SORCS1: variants seen among roughly 807,000 people sequenced by gnomAD.
The protein encoded by SORCS1 is sortilin related VPS10 domain containing receptor 1.
A neutral mutation model predicts 146.1 loss-of-function variants in SORCS1; 60 were observed. The observed-to-expected ratio is 0.41, with a 90% CI of 0.33 to 0.51. The LOEUF is 0.51. SORCS1 is among the 20% of genes least tolerant of loss of function. The pLI is 0.21. For missense variants in SORCS1, 1,352 were observed against 1,487.6 expected (o/e 0.91, Z 1.50); for synonymous variants, 637 against 584.0 (o/e 1.09, Z -1.31).
chr10:106,821,749 G>T (rs984014871), intron 3 of SORCS1, among the ~76,000 whole-genome samples: 4 of 151,964 alleles, frequency 2.6e-5, no homozygotes, highest in Non-Finnish European at 5.9e-5. Context: ...GTGAAACCAT[G>T]TCTCTACTAA....
At chr10:106,788,591 T>C (rs10884358) in intron 3 of SORCS1, among the ~76,000 whole-genome samples, 38,729 of 152,126 alleles carry the variant, frequency 0.25, 5,189 homozygotes, top group Non-Finnish European at 0.29. Flanking sequence ...ATCATTAAAC[T>C]TTAAAGCTCC....
intron 19 of SORCS1, among the ~76,000 whole-genome samples, chr10:106,622,042 G>A (rs1459670888): frequency 1.3e-5 from 2 of 151,922 alleles, no homozygotes; most frequent in East Asian, 1.9e-4. Flanking sequence ...CTGTAATCCC[G>A]ACACTTTTGG....
intron 23 of SORCS1, among the ~76,000 whole-genome samples, chr10:106,599,042 T>G (rs1051231202): frequency 1.3e-5 from 2 of 152,220 alleles, no homozygotes; most frequent in Non-Finnish European, 2.9e-5. Context: ...TTAGGCTACT[T>G]CTTTTCTTGG....
intron 18 of SORCS1, among the ~76,000 whole-genome samples, chr10:106,639,387 C>A (rs1248422444): frequency 6.6e-6 from 1 of 152,158 alleles, no homozygotes. Flanking sequence ...CAGTAATGAG[C>A]CAGGTATCTA....
chr10:106,674,447 C>G (rs1428797404), intron 14 of SORCS1, among the ~76,000 whole-genome samples: 1 of 148,956 alleles, frequency 6.7e-6, no homozygotes, highest in African/African-American at 2.5e-5. Context: ...ACTTTATAAC[C>G]TTCCCTTTCT....
intron 5 of SORCS1, among the ~76,000 whole-genome samples, chr10:106,753,783 A>T (rs1041163929): frequency 6.6e-6 from 1 of 152,198 alleles, no homozygotes. Context: ...AGAGAACTCA[A>T]GCTCAAAAGC....
intron 1 of SORCS1, among the ~76,000 whole-genome samples, chr10:107,006,519 T>C (rs572193929): frequency 2.0e-5 from 3 of 152,222 alleles, no homozygotes; most frequent in South Asian, 2.1e-4. Context: ...GAAGAGAACA[T>C]GAAAATAGTA....
chr10:106,689,450 T>C (rs1853129946), intron 9 of SORCS1, among the ~76,000 whole-genome samples: 1 of 152,126 alleles, frequency 6.6e-6, no homozygotes, highest in African/African-American at 2.4e-5. Flanking sequence ...ATTTTGAGGA[T>C]GAGGAAATAG....
Position 107,129,961 on chromosome 10 carries a change from C to T in SORCS1, c.558+34008G>A, listed in dbSNP as rs534788569. 4.6e-4 allele frequency among the ~76,000 whole-genome samples: 70 copies of T among 152,270 alleles called. 1 individual carries two copies. The highest frequency in any genetic ancestry group is 8.5e-4 in the Admixed American group (13 of 15,292). Reference sequence around the variant, plus strand: ...TTAGGAATGAAATCATGTTGCTCTGCCTTACAGAGGATCCACCTCATCTAA... The same window carrying T: ...TTAGGAATGAAATCATGTTGCTCTGTCTTACAGAGGATCCACCTCATCTAA... On this transcript the variant is annotated intron_variant, in intron 1 of 25. Coordinates refer to ENST00000263054, the MANE Select transcript of SORCS1 (RefSeq NM_052918.5).
intron 1 of SORCS1, among the ~76,000 whole-genome samples, chr10:107,072,927 C>T (rs928407917): frequency 3.9e-5 from 6 of 152,068 alleles, no homozygotes; most frequent in Non-Finnish European, 1.5e-5. Flanking sequence ...GGGCACTCAG[C>T]GATATTCAAT....
At position 107,137,561 on chromosome 10, in the gene SORCS1, T is replaced by C. The variant is rs1311145249; in HGVS notation, c.558+26408A>G. Among the ~76,000 whole-genome samples, 3 of 152,308 alleles carry C rather than the reference T, an allele frequency of 2.0e-5. No homozygotes were observed. The East Asian group carries it at 5.8e-4, about 29-fold the overall frequency. On this transcript the variant is annotated intron_variant, in intron 1 of 25. Coordinates refer to ENST00000263054, the MANE Select transcript of SORCS1 (RefSeq NM_052918.5). ...GTCCCAAAACTGAAAACTACTCAAG[T>C]ATGCACCATTGGGAGCATGAGGCCA...
chr10:106,843,311 T>C (rs552652178), intron 2 of SORCS1, among the ~76,000 whole-genome samples: 139 of 152,326 alleles, frequency 9.1e-4, no homozygotes, highest in Non-Finnish European at 1.7e-3. Flanking sequence ...AGTCTGGCTC[T>C]TTTATAGATT....
At chr10:106,940,204 A>G (rs1442050430) in intron 2 of SORCS1, among the ~76,000 whole-genome samples, 2 of 152,246 alleles carry the variant, frequency 1.3e-5, no homozygotes, top group African/African-American at 4.8e-5. Flanking sequence ...AGAGCAAAAC[A>G]TGACATTTGA....
Position 106,960,815 on chromosome 10 carries a change from C to A in SORCS1, c.559-4235G>T, listed in dbSNP as rs980239863. On this transcript the variant is annotated intron_variant, in intron 1 of 25. Transcript: ENST00000263054. The surrounding 1 kb of genome is among the most constrained non-coding windows in gnomAD (Gnocchi z 4.4). ...AAACAGTGCCAGGTCAGGTTCTGTG[C>A]AGGAATGGGAGAGGGTCCAAGGGAG... Among the ~76,000 whole-genome samples, 4 of 152,112 alleles carry A rather than the reference C, an allele frequency of 2.6e-5. No homozygotes were observed. Among genetic ancestry groups the A allele is most frequent in the Non-Finnish European group, 1.5e-5 (1 of 68,026 alleles).
chr10:106,696,628 G>T (rs1853724482), intron 9 of SORCS1, among the ~76,000 whole-genome samples: 1 of 152,206 alleles, frequency 6.6e-6, no homozygotes, highest in African/African-American at 2.4e-5. Context: ...TCAACTGCAA[G>T]AGAGGCACAA....
At chr10:106,745,521 C>A (rs920148421) in intron 5 of SORCS1, among the ~76,000 whole-genome samples, 8 of 152,112 alleles carry the variant, frequency 5.3e-5, no homozygotes, top group Admixed American at 2.0e-4. Context: ...TTGCTGTAGG[C>A]AAGATTGGCT....
At chr10:107,032,181 A>G (rs1958685186) in intron 1 of SORCS1, among the ~76,000 whole-genome samples, 1 of 152,206 alleles carries the variant, frequency 6.6e-6, no homozygotes, top group South Asian at 2.1e-4. Flanking sequence ...AATAAATAAA[A>G]GACACGTAGA....
chr10:106,900,647 C>T (rs569950405), intron 2 of SORCS1, among the ~76,000 whole-genome samples: 1 of 152,314 alleles, frequency 6.6e-6, no homozygotes, highest in Non-Finnish European at 1.5e-5. Context: ...GTAACGTTGG[C>T]TGACATTCCA....
At chr10:106,915,434 G>C (rs574402654) in intron 2 of SORCS1, among the ~76,000 whole-genome samples, 11 of 151,778 alleles carry the variant, frequency 7.2e-5, no homozygotes, top group Admixed American at 2.6e-4. Context: ...CTTCCTCTTC[G>C]ACCTTTCAAA....
Sources: gnomAD v4.1 joint callset for allele counts (sites outside exome capture counted in the v4.1 genomes callset) on GRCh38, gnomAD v4.1.1 for gene constraint, Gnocchi (gnomAD v3.1) non-coding constraint, MANE v1.5 for transcripts, NCBI Gene and HGNC (gene_info 2026-07-23, HGNC 2026-07-21) for gene names.